The following TNS2 variants were observed in gnomAD, a reference collection of about 807,000 sequenced individuals.
The protein encoded by TNS2 is tensin 2.
In TNS2, 77 loss-of-function variants were observed where a neutral mutation model predicts 155.7. The ratio of observed to expected loss-of-function variants is 0.49; its 90% CI spans 0.41 to 0.60. The LOEUF is 0.60. Among genes scored for constraint, TNS2 ranks in the 20% least tolerant of loss-of-function variants. The pLI is 0.00. For missense variants in TNS2, 1,703 were observed against 1,868.8 expected (o/e 0.91, Z 1.64); for synonymous variants, 726 against 763.9 (o/e 0.95, Z 0.82).
At chr12:53,054,893 C>T (rs370648085) in intron 7 of TNS2, among the ~76,000 whole-genome samples, 119 of 137,914 alleles carry the variant, frequency 8.6e-4, no homozygotes, top group African/African-American at 2.9e-3. Context: ...CGGGGTTTCG[C>T]CATGTTGGCC....
At position 53,059,893 on chromosome 12, in the gene TNS2, A is replaced by G; in HGVS notation, c.2252A>G (p.Asp751Gly). Residue 751 changes from aspartate (D) to glycine (G), a missense_variant, in exon 18 of 29, where the codon GAC becomes GGC. Asp to Gly is a moderately conservative substitution (Grantham distance 94, BLOSUM62 -1). Coordinates refer to ENST00000314250, the MANE Select transcript of TNS2 (RefSeq NM_170754.4). The surrounding 1 kb of genome is among the most constrained non-coding windows in gnomAD (Gnocchi z 4.7). Reference protein sequence around the residue: ...ACGHHHAPMPDYSCLKPPKAG... With the variant: ...ACGHHHAPMPGYSCLKPPKAG... ...GGGCATCACCATGCCCCGATGCCTGACTACAGCTGCCTGAAGCCACCCAAG... is the reference window on the plus strand; with the variant it reads ...GGGCATCACCATGCCCCGATGCCTGGCTACAGCTGCCTGAAGCCACCCAAG... The G allele has an allele frequency of 2.5e-6, 4 of 1,612,950 alleles. No individual in the cohort carries two copies. The highest frequency in any genetic ancestry group is 1.3e-5 in the African/African-American group (1 of 75,038).
chr12:53,054,062 C>T, intron 6 of TNS2, 48 bp downstream of exon 6: 1 of 1,612,046 alleles, frequency 6.2e-7, no homozygotes, highest in Non-Finnish European at 8.5e-7. Context: ...TTTCCGCCGG[C>T]CCCACACCTC....
chr12:53,060,157 C>T lies in TNS2; in HGVS notation c.2516C>T (p.Pro839Leu). ...GSISPGSPPY[P>L]QSRKLSYEIP... ...ATTTCCCCGGGCAGCCCGCCCTATC[C>T]ACAATCTAGGAAGCTGAGCTACGAG... Residue 839 changes from proline to leucine, a missense_variant, in exon 18 of 29, where the codon CCA becomes CTA. Physicochemically the swap from Pro to Leu is moderately conservative, Grantham distance 98 (BLOSUM62 -3). Coordinates refer to ENST00000314250, the MANE Select transcript of TNS2 (RefSeq NM_170754.4). This position sits in a 1 kb window ranked among gnomAD's most constrained non-coding sequence, Gnocchi z 6.1. The T allele has an allele frequency of 6.2e-7, 1 of 1,609,058 alleles. No homozygotes were observed. The highest frequency in any genetic ancestry group is 8.5e-7 in the Non-Finnish European group (1 of 1,177,682).
Position 53,058,072 on chromosome 12 carries a change from G to T in TNS2, c.1065G>T (p.Glu355Asp). 1 of 1,614,170 alleles carries T rather than the reference G, an allele frequency of 6.2e-7. No individual in the cohort carries two copies. The highest frequency in any genetic ancestry group is 1.1e-5 in the South Asian group (1 of 91,082). Residue 355 changes from glutamate (E) to aspartate (D), a missense_variant, in exon 14 of 29, where the codon GAG (glutamate) becomes GAT (aspartate). By Grantham distance (45) the Glu-to-Asp change is conservative. Coordinates refer to ENST00000314250, the MANE Select transcript of TNS2 (RefSeq NM_170754.4). ...PGPQQLCISL[E>D]PALLLKGDVM... The stretch of plus-strand genomic sequence containing the variant: ...CCCAGCAGCTTTGCATCAGCCTGGA[G>T]CCAGCCCTCCTCCTCAAAGGCGATG...
chr12:53,050,044 G>A (rs964458563), upstream of TNS2: 99 of 1,475,174 alleles, frequency 6.7e-5, no homozygotes, highest in African/African-American at 3.8e-4. This position sits in a 1 kb window ranked among gnomAD's most constrained non-coding sequence, Gnocchi z 4.7. Context: ...TTCCAGGGCC[G>A]GGCTTCTCCT....
intron 1 of TNS2, among the ~76,000 whole-genome samples, chr12:53,051,069 G>T (rs1470666072): frequency 6.6e-6 from 1 of 152,180 alleles, no homozygotes; most frequent in Non-Finnish European, 1.5e-5. Context: ...GGCCATAAGG[G>T]GGCATCCCAG....
chr12:53,056,708 G>T (rs920867305), intron 10 of TNS2, among the ~76,000 whole-genome samples: 4 of 152,158 alleles, frequency 2.6e-5, no homozygotes, highest in African/African-American at 4.8e-5. Flanking sequence ...TGTCTGCAAC[G>T]GCCCTATTTC....
At chr12:53,057,882 C>T (rs754806317) in intron 13 of TNS2, 49 bp downstream of exon 13, 1 of 1,612,350 alleles carries the variant, frequency 6.2e-7, no homozygotes, top group Non-Finnish European at 8.5e-7. Flanking sequence ...CAGGGCCCCT[C>T]TTGCTCCTGC....
In TNS2 at chr12:53,061,859, A is replaced by C. The variant is rs758880817; in HGVS notation, c.3493A>C (p.Arg1165=). The part of the protein sequence containing the change: ...KDKDPGAFLI[R]DSHSFQGAYG... Reference sequence around the variant, plus strand: ...CAAGGACCCTGGGGCCTTCCTGATCAGGGACAGTCATTCATTCCAAGGAGC... The same window carrying C: ...CAAGGACCCTGGGGCCTTCCTGATCCGGGACAGTCATTCATTCCAAGGAGC... The change falls in exon 22 of 29, where the codon AGG becomes CGG. Residue 1165 remains arginine, a synonymous_variant. Coordinates refer to ENST00000314250, the MANE Select transcript of TNS2 (RefSeq NM_170754.4). 3 of 1,613,816 alleles carry C rather than the reference A, an allele frequency of 1.9e-6. No homozygotes were observed. The East Asian group carries it at 6.7e-5, about 36-fold the overall frequency.
upstream of TNS2, among the ~76,000 whole-genome samples, chr12:53,047,689 G>T (rs1425659635): frequency 6.6e-6 from 1 of 152,052 alleles, no homozygotes; most frequent in East Asian, 1.9e-4. Context: ...GCAGCAGCTG[G>T]CAGCGGCGCT....
Position 53,058,394 on chromosome 12 carries a change from C to A in TNS2, c.1174C>A (p.His392Asn). 2 of 1,614,176 alleles carry A rather than the reference C, an allele frequency of 1.2e-6. No individual in the cohort carries two copies. The highest frequency in any genetic ancestry group is 8.5e-7 in the Non-Finnish European group (1 of 1,180,036). ...FRVQFHTCTIHGPQLTFPKDQ... is the reference protein window; with the variant it reads ...FRVQFHTCTINGPQLTFPKDQ... ...AGTCCAGTTCCACACCTGCACCATC[C>A]ACGGACCACAGCTCACTTTCCCCAA... Residue 392 changes from histidine to asparagine, a missense_variant, in exon 15 of 29, where the codon CAC (histidine) becomes AAC (asparagine). Transcript: ENST00000314250.
At position 53,058,714 on chromosome 12, in the gene TNS2, G is replaced by GC; in HGVS notation, c.1293dup (p.Ser432GlnfsTer17). On this transcript the variant is annotated frameshift_variant and splice_region_variant, in exon 17 of 29. Coordinates refer to ENST00000314250, the MANE Select transcript of TNS2 (RefSeq NM_170754.4). LOFTEE classifies it high-confidence loss of function. ...CCAATACCCGAGTGGCCTTCCACAG[G>GC]CAGCACTCCACGGAACGACCCCTCG... 2 of 1,614,036 alleles carry GC rather than the reference G, an allele frequency of 1.2e-6. No homozygotes were observed. The highest frequency in any genetic ancestry group is 1.7e-6 in the Non-Finnish European group (2 of 1,180,000).
chr12:53,051,178 A>G (rs1330651122), intron 1 of TNS2, among the ~76,000 whole-genome samples: 1 of 152,176 alleles, frequency 6.6e-6, no homozygotes, highest in Non-Finnish European at 1.5e-5. Context: ...GCCAGGGTGC[A>G]GGGGGTCGGG....
chr12:53,047,662 C>T (rs892930890), upstream of TNS2, among the ~76,000 whole-genome samples: 1 of 151,958 alleles, frequency 6.6e-6, no homozygotes, highest in Non-Finnish European at 1.5e-5. Context: ...GTGCCACACA[C>T]GCAGGCCCGG....
chr12:53,053,093 G>A (rs997830156), intron 3 of TNS2: 7 of 401,690 alleles, frequency 1.7e-5, no homozygotes, highest in Admixed American at 1.5e-4. Flanking sequence ...GGGGTCTCCC[G>A]GTGAAAGAAG....
rs563776703 is a variant in TNS2, at chr12:53,058,092, G to A, written c.1085G>A (p.Gly362Asp). 21 of 1,614,064 alleles carry A rather than the reference G, an allele frequency of 1.3e-5. No individual in the cohort carries two copies. The highest frequency in any genetic ancestry group is 1.7e-5 in the Non-Finnish European group (20 of 1,180,036). ...CTGGAGCCAGCCCTCCTCCTCAAAG[G>A]CGATGTCATGGTGAGGGGGGTCCTG... ...ISLEPALLLK[G>D]DVMVTCYHKG... The change falls in exon 14 of 29, where the codon GGC becomes GAC. Residue 362 changes from glycine to aspartate, a missense_variant. By Grantham distance (94) the Gly-to-Asp change is moderately conservative (BLOSUM62 -1). Coordinates refer to ENST00000314250, the MANE Select transcript of TNS2 (RefSeq NM_170754.4).
intron 13 of TNS2, 60 bp from the exon 14 acceptor site, chr12:53,057,967 T>C: frequency 1.9e-6 from 3 of 1,609,810 alleles, no homozygotes; most frequent in Non-Finnish European, 2.5e-6. Flanking sequence ...CCTGACTGCA[T>C]AGCTGCCTCT....
In TNS2 at chr12:53,059,323, C is replaced by G; in HGVS notation, c.1682C>G (p.Thr561Arg). 2.1e-6 allele frequency: 3 copies of G among 1,433,384 alleles called. No homozygotes were observed. Among genetic ancestry groups the G allele is most frequent in the Non-Finnish European group, 2.7e-6 (3 of 1,094,058 alleles). The allele number at this position is 1,433,384 out of a possible 1,614,324, so 88.8% of individuals were successfully genotyped here. ...ASGGRGAGRE[T>R]AILDDEEQPT... ...GGGGGCCGGGGAGCTGGGCGCGAGA[C>G]GGCCATCCTAGATGACGAAGAGCAG... is the stretch of plus-strand genomic sequence containing the variant. The change falls in exon 18 of 29, where the codon ACG becomes AGG. Residue 561 changes from threonine to arginine, a missense_variant. Coordinates refer to ENST00000314250, the MANE Select transcript of TNS2 (RefSeq NM_170754.4). The surrounding 1 kb of genome is among the most constrained non-coding windows in gnomAD (Gnocchi z 4.7).
At chr12:53,053,715 A>G in intron 4 of TNS2, 59 bp from the exon 5 acceptor site, 3 of 1,595,336 alleles carry the variant, frequency 1.9e-6, no homozygotes, top group African/African-American at 1.4e-5. Context: ...CAAGGCCCAC[A>G]TTGGTCCTTG....
Sources: gnomAD v4.1 joint callset for allele counts (sites outside exome capture counted in the v4.1 genomes callset) on GRCh38, gnomAD v4.1.1 for gene constraint, Gnocchi (gnomAD v3.1) non-coding constraint, MANE v1.5 for transcripts, NCBI Gene and HGNC (gene_info 2026-07-23, HGNC 2026-07-21) for gene names.